The following AXDND1 variants were observed in gnomAD, a reference collection of about 807,000 sequenced individuals.
AXDND1 encodes the protein axonemal dynein light chain domain-containing protein 1.
Under a neutral mutation model 137.5 loss-of-function variants are expected in AXDND1, and 110 were observed. The observed-to-expected ratio is 0.80, with a 90% CI of 0.69 to 0.94. The LOEUF is 0.94. Among genes scored for constraint, AXDND1 ranks in the 40% least tolerant of loss-of-function variants. AXDND1 has a pLI of 0.00. For missense variants in AXDND1, 1,191 were observed against 1,169.8 expected, an observed-to-expected ratio of 1.02 and a Z score of -0.26; for synonymous variants, 414 against 399.7, an observed-to-expected ratio of 1.04 and a Z score of -0.43.
At chr1:179,477,317 C>A (rs1373703033) in intron 17 of AXDND1, among the ~76,000 whole-genome samples, 2 of 151,712 alleles carry the variant, frequency 1.3e-5, no homozygotes, top group Non-Finnish European at 2.9e-5. Context: ...TGTGTTAGTT[C>A]ATTTTCACAC....
chr1:179,501,485 G>A (rs1436971129), intron 20 of AXDND1, among the ~76,000 whole-genome samples: 1 of 152,202 alleles, frequency 6.6e-6, no homozygotes, highest in Non-Finnish European at 1.5e-5. Context: ...GCTGAGGCGG[G>A]TGGATCATGA....
At chr1:179,547,731 C>T (rs1672779666) in intron 25 of AXDND1, among the ~76,000 whole-genome samples, 1 of 152,118 alleles carries the variant, frequency 6.6e-6, no homozygotes, top group Non-Finnish European at 1.5e-5. Flanking sequence ...TTTTGAAAGT[C>T]TGAAGATTAA....
chr1:179,499,353 C>T (rs570129532), intron 20 of AXDND1, among the ~76,000 whole-genome samples: 14 of 34,044 alleles, frequency 4.1e-4, no homozygotes, highest in African/African-American at 8.0e-4. Flanking sequence ...TTTCAAAAGA[C>T]CACATATTTA....
At chr1:179,442,834 G>A (rs76723555) in intron 15 of AXDND1, among the ~76,000 whole-genome samples, 3,041 of 152,154 alleles carry the variant, frequency 0.02, 106 homozygotes, top group African/African-American at 0.069. Context: ...CACGAAACTA[G>A]GGGGACTGAA....
chr1:179,382,835 C>A, intron 7 of AXDND1, 79 bp downstream of exon 7: 6 of 1,142,544 alleles, frequency 5.3e-6, no homozygotes, highest in South Asian at 3.2e-5. Context: ...CTTTATTAAA[C>A]AAAATTATTA....
intron 16 of AXDND1, chr1:179,456,822 TG>T: frequency 1.3e-6 from 1 of 793,714 alleles, no homozygotes; most frequent in Non-Finnish European, 2.2e-6. Flanking sequence ...TTCACAGTTG[TG>T]GCCATTCACA....
intron 16 of AXDND1, among the ~76,000 whole-genome samples, chr1:179,467,549 C>A (rs1445641220): frequency 6.6e-6 from 1 of 152,010 alleles, no homozygotes; most frequent in Non-Finnish European, 1.5e-5. Flanking sequence ...ATGCAAATAC[C>A]ACATCATTTT....
At chr1:179,443,786 G>T (rs1002450015) in intron 15 of AXDND1, among the ~76,000 whole-genome samples, 1 of 152,030 alleles carries the variant, frequency 6.6e-6, no homozygotes, top group African/African-American at 2.4e-5. Context: ...ACCACATTTT[G>T]TTTATACATT....
chr1:179,499,474 T>A (rs1441506087), intron 20 of AXDND1, among the ~76,000 whole-genome samples: 1 of 152,064 alleles, frequency 6.6e-6, no homozygotes, highest in Non-Finnish European at 1.5e-5. Context: ...CTGGAGCTTG[T>A]AAAGGAGGGG....
At chr1:179,528,175 T>A in intron 22 of AXDND1, 152 bp from the exon 23 acceptor site, 1 of 609,276 alleles carries the variant, frequency 1.6e-6, no homozygotes, top group Non-Finnish European at 2.9e-6. Flanking sequence ...GCGTTTGCTA[T>A]GTGAAAGTCT....
At chr1:179,459,885 TTTTCTTTTCTTTC>T (rs1409061281) in intron 16 of AXDND1, among the ~76,000 whole-genome samples, 2 of 141,760 alleles carry the variant, frequency 1.4e-5, no homozygotes, top group Non-Finnish European at 3.0e-5. Flanking sequence ...TTCTTTTCTC[TTTTCTTTTCTTTC>T]TTTCATTCCT....
chr1:179,528,662 G>A (rs984617134), intron 23 of AXDND1, among the ~76,000 whole-genome samples: 1 of 20,954 alleles, frequency 4.8e-5, no homozygotes, highest in Admixed American at 4.8e-4. Flanking sequence ...TTTTTTTTTT[G>A]ACAGAGTTTT....
In AXDND1 at chr1:179,492,840, T is replaced by C. The variant is rs59377201; in HGVS notation, c.2292-15T>C. 153,811 of 1,550,292 alleles carry C rather than the reference T, an allele frequency of 0.099. 8,435 individuals are homozygous for C. Among genetic ancestry groups the C allele is most frequent in the African/African-American group, 0.14 (10,259 of 72,410 alleles). On this transcript the variant is annotated splice_polypyrimidine_tract_variant and intron_variant, in intron 19 of 25. Transcript: ENST00000367618. ...TTTGCTCTTTTTCTTTTTCTTTTTT[T>C]CCCCCTTTTTGCAGTTGTTGCAAAG...
At chr1:179,472,705 T>C (rs1368289418) in intron 17 of AXDND1, among the ~76,000 whole-genome samples, 1 of 152,212 alleles carries the variant, frequency 6.6e-6, no homozygotes, top group Non-Finnish European at 1.5e-5. Flanking sequence ...TTATAATTGT[T>C]ATATCTTCCT....
intron 12 of AXDND1, among the ~76,000 whole-genome samples, chr1:179,421,162 T>G (rs1307350437): frequency 2.1e-4 from 32 of 151,772 alleles, no homozygotes; most frequent in Admixed American, 2.0e-3. Flanking sequence ...CTATATTTTA[T>G]TGCATTGGTC....
chr1:179,504,574 G>T (rs561185454), intron 20 of AXDND1, among the ~76,000 whole-genome samples: 11 of 152,296 alleles, frequency 7.2e-5, no homozygotes, highest in African/African-American at 2.6e-4. Flanking sequence ...ATCATGAGGA[G>T]CCCTTCCTGA....
intron 21 of AXDND1, among the ~76,000 whole-genome samples, chr1:179,524,332 A>T (rs2125683128): frequency 6.6e-6 from 1 of 152,284 alleles, no homozygotes; most frequent in Middle Eastern, 3.4e-3. Flanking sequence ...TGGCTACTTC[A>T]CAAGTTTGCC....
chr1:179,493,386 A>T (rs1319565296), intron 20 of AXDND1, among the ~76,000 whole-genome samples: 1 of 152,192 alleles, frequency 6.6e-6, no homozygotes, highest in Non-Finnish European at 1.5e-5. Context: ...GGATAGACAC[A>T]ATTTATTTAG....
intron 18 of AXDND1, among the ~76,000 whole-genome samples, chr1:179,483,536 T>G (rs1255177932): frequency 6.6e-6 from 1 of 152,186 alleles, no homozygotes; most frequent in African/African-American, 2.4e-5. Context: ...AACAGAGTGC[T>G]TGTCACATGG....
Sources: allele counts gnomAD v4.1 joint callset (sites outside exome capture counted in the v4.1 genomes callset), GRCh38; gene constraint gnomAD v4.1.1; transcripts MANE v1.5; gene names NCBI Gene and HGNC (gene_info 2026-07-23, HGNC 2026-07-21).